The following YEATS4 variants were observed in gnomAD, a reference collection of about 807,000 sequenced individuals.
The protein encoded by YEATS4 is YEATS domain-containing protein 4.
In YEATS4, 17 loss-of-function variants were observed where a neutral mutation model predicts 30.1. The ratio of observed to expected loss-of-function variants is 0.56; its 90% CI spans 0.39 to 0.85. The LOEUF is 0.85. YEATS4 is among the 40% of genes least tolerant of loss of function. The pLI is 0.00. For missense variants in YEATS4, 142 were observed against 268.3 expected (o/e 0.53, Z 3.29); for synonymous variants, 85 against 87.5 (o/e 0.97, Z 0.16).
At chr12:69,422,390 C>T in the YEATS4 span, among the ~76,000 whole-genome samples, 1 of 152,014 alleles carries the variant, frequency 6.6e-6, no homozygotes, top group East Asian at 1.9e-4. Context: ...CCAGCACTTT[C>T]AGAGGCTGAG....
the YEATS4 span, chr12:69,400,790 T>C: frequency 3.9e-5 from 6 of 152,054 alleles, no homozygotes; most frequent in Non-Finnish European, 7.4e-5. Flanking sequence ...AGACAAAATT[T>C]AAAGATGTCT....
the YEATS4 span, among the ~76,000 whole-genome samples, chr12:69,410,181 C>T: frequency 2.0e-5 from 3 of 152,148 alleles, no homozygotes; most frequent in Non-Finnish European, 2.9e-5. Context: ...GTTGTGCAAC[C>T]ACTACCACAA....
At chr12:69,419,579 G>A in the YEATS4 span, among the ~76,000 whole-genome samples, 1 of 152,208 alleles carries the variant, frequency 6.6e-6, no homozygotes. Flanking sequence ...ATCAAGACAG[G>A]GACTATGCCT....
At chr12:69,374,035 T>C (rs543930268) in intron 6 of YEATS4, among the ~76,000 whole-genome samples, 1 of 152,360 alleles carries the variant, frequency 6.6e-6, no homozygotes, top group East Asian at 1.9e-4. Flanking sequence ...TATAGCTCTG[T>C]AGTATAATTT....
the YEATS4 span, among the ~76,000 whole-genome samples, chr12:69,406,005 C>G: frequency 1.3e-5 from 2 of 152,172 alleles, no homozygotes; most frequent in Non-Finnish European, 2.9e-5. Flanking sequence ...TGCCTATGTT[C>G]CACTATATGA....
At chr12:69,375,382 G>T (rs1236905568) in intron 6 of YEATS4, among the ~76,000 whole-genome samples, 2 of 151,728 alleles carry the variant, frequency 1.3e-5, no homozygotes, top group East Asian at 3.9e-4. Context: ...TCCTAGACGG[G>T]ATGACGGCCG....
the YEATS4 span, among the ~76,000 whole-genome samples, chr12:69,423,698 G>T: frequency 6.6e-6 from 1 of 152,146 alleles, no homozygotes; most frequent in Admixed American, 6.5e-5. Context: ...AGAATTTCAG[G>T]CATAACAGTG....
At chr12:69,369,427 A>G (rs1338938934) in intron 4 of YEATS4, among the ~76,000 whole-genome samples, 6 of 152,174 alleles carry the variant, frequency 3.9e-5, no homozygotes, top group Non-Finnish European at 4.4e-5. Flanking sequence ...TTGGGGAGAA[A>G]AATTCTAGGC....
chr12:69,389,450 C>CAA (rs11333279), intron 6 of YEATS4, among the ~76,000 whole-genome samples: 5 of 99,462 alleles, frequency 5.0e-5, no homozygotes, highest in African/African-American at 1.2e-4. Context: ...GACTCCATCT[C>CAA]AAAAAAAAAA....
rs949805029 is a variant in YEATS4, at chr12:69,386,353, C to T, written c.515-3794C>T. On this transcript the variant is annotated intron_variant, in intron 6 of 6. Transcript: ENST00000247843. ...TCTCCCTGGCTAGTTTTAAAACTAC[C>T]GCTTACAGCTATACAGGACTCCTTG... Among the ~76,000 whole-genome samples the T allele has an allele frequency of 5.3e-5, 8 of 152,292 alleles. No homozygotes were observed. The South Asian group carries it at 6.2e-4, about 12-fold the overall frequency.
chr12:69,373,889 T>C lies in YEATS4; in HGVS notation c.514+2914T>C, dbSNP rs541417590. On this transcript the variant is annotated intron_variant, in intron 6 of 6. Coordinates refer to ENST00000247843, the MANE Select transcript of YEATS4 (RefSeq NM_006530.4). The stretch of plus-strand genomic sequence containing the variant: ...CTATTTATTGAAGAGACCATTTTTT[T>C]CCTCAAGTATATATTCTTGGCACCT... Among the ~76,000 whole-genome samples, 3 of 152,322 alleles carry C rather than the reference T, an allele frequency of 2.0e-5. No individual in the cohort carries two copies. The South Asian group carries it at 6.2e-4, about 32-fold the overall frequency.
intron 6 of YEATS4, among the ~76,000 whole-genome samples, chr12:69,385,634 C>T (rs761437602): frequency 5.9e-5 from 9 of 152,126 alleles, no homozygotes; most frequent in Non-Finnish European, 1.2e-4. Context: ...TGGCAGTCCT[C>T]AGAACTTAGG....
chr12:69,372,537 G>GTTTTTTTTTTTTTTTTTT (rs71094710), intron 6 of YEATS4, among the ~76,000 whole-genome samples: 2 of 123,040 alleles, frequency 1.6e-5, no homozygotes, highest in Non-Finnish European at 3.3e-5. Flanking sequence ...TATCTCATGA[G>GTTTTTTTTTTTTTTTTTT]TTTTTTTTTT....
At chr12:69,360,088 C>T (rs747962200) in intron 1 of YEATS4, 65 bp downstream of exon 1, 7 of 1,562,426 alleles carry the variant, frequency 4.5e-6, no homozygotes, top group South Asian at 1.1e-5. Flanking sequence ...CTGCGCGGCG[C>T]GGGGAGGGCC....
intron 2 of YEATS4, among the ~76,000 whole-genome samples, chr12:69,364,767 C>T (rs7303212): frequency 0.4 from 60,264 of 151,712 alleles, 12,327 homozygotes; most frequent in Non-Finnish European, 0.46. Context: ...TTACAGGCGC[C>T]GCCACCATGC....
chr12:69,370,030 A>C (rs1305578150), intron 4 of YEATS4, among the ~76,000 whole-genome samples: 1 of 152,106 alleles, frequency 6.6e-6, no homozygotes, highest in Non-Finnish European at 1.5e-5. Flanking sequence ...TCTTACAATT[A>C]TGCTAGCTAA....
chr12:69,394,928 A>G (rs60785004), downstream of YEATS4, among the ~76,000 whole-genome samples: 9,309 of 152,258 alleles, frequency 0.061, 428 homozygotes, highest in African/African-American at 0.13. Context: ...TTAACTAAAC[A>G]TACTATACTT....
chr12:69,392,406 A>T (rs566437790), downstream of YEATS4, among the ~76,000 whole-genome samples: 1 of 152,348 alleles, frequency 6.6e-6, no homozygotes, highest in African/African-American at 2.4e-5. Flanking sequence ...AAATGAAAAC[A>T]TGTTCACACA....
chr12:69,400,838 C>T, the YEATS4 span: 1 of 152,084 alleles, frequency 6.6e-6, no homozygotes, highest in African/African-American at 2.4e-5. Context: ...ACTTGGTACT[C>T]ATACATTGTT....
Sources: gnomAD v4.1 joint callset for allele counts (sites outside exome capture counted in the v4.1 genomes callset) on GRCh38, gnomAD v4.1.1 for gene constraint, MANE v1.5 for transcripts, NCBI Gene and HGNC (gene_info 2026-07-23, HGNC 2026-07-21) for gene names.